The following CPQ variants were observed in gnomAD, a reference collection of about 807,000 sequenced individuals.
CPQ encodes carboxypeptidase Q.
In CPQ, 37 loss-of-function variants were observed where a neutral mutation model predicts 45.7. That is an observed-to-expected ratio of 0.81 (90% CI 0.62 to 1.07). The LOEUF (loss-of-function observed/expected upper bound fraction) is 1.07. CPQ is among the 50% of genes least tolerant of loss of function. The pLI is 0.00. For missense variants in CPQ, 537 were observed against 572.9 expected, an observed-to-expected ratio of 0.94 and a Z score of 0.64; for synonymous variants, 186 against 205.8, an observed-to-expected ratio of 0.90 and a Z score of 0.82.
chr8:97,115,997 C>T (rs1811586278), intron 7 of CPQ, among the ~76,000 whole-genome samples: 2 of 151,736 alleles, frequency 1.3e-5, no homozygotes, highest in African/African-American at 2.4e-5. Flanking sequence ...AGTAAAATAA[C>T]AAAGCAAAAT....
In CPQ at chr8:96,926,622, T is replaced by TCTTCTTCTTCTC. The variant is rs1554578116; in HGVS notation, c.850-39311_850-39310insTCTTCTTCTCCT. ...TTCTTCTTCTTCTTCTTCTTCTTCTTCTCCTCCTTCTCCTTCTTCTTCTTC... is the reference window on the plus strand; with the variant it reads ...TTCTTCTTCTTCTTCTTCTTCTTCTTCTTCTTCTTCTCCTCCTCCTTCTCCTTCTTCTTCTTC... On this transcript the variant is annotated intron_variant, in intron 4 of 7. Transcript: ENST00000220763. Among the ~76,000 whole-genome samples, 5 of 123,860 alleles carry TCTTCTTCTTCTC rather than the reference T, an allele frequency of 4.0e-5. No homozygotes were observed. The East Asian group carries it at 1.2e-3, about 29-fold the overall frequency. The allele number at this position is 123,860 out of a possible 152,430, so 81.3% of individuals were successfully genotyped here.
chr8:96,980,953 G>A (rs2130388091), intron 5 of CPQ, among the ~76,000 whole-genome samples: 1 of 152,300 alleles, frequency 6.6e-6, no homozygotes, highest in South Asian at 2.1e-4. Flanking sequence ...TCTCTGTGAT[G>A]TCCTTAACCT....
chr8:96,866,161 A>G (rs554932584), intron 3 of CPQ, among the ~76,000 whole-genome samples: 31 of 152,222 alleles, frequency 2.0e-4, no homozygotes, highest in African/African-American at 5.8e-4. Flanking sequence ...AGTGGCCAGA[A>G]TCAGTTAATT....
At chr8:96,705,537 A>G (rs112347739) in intron 1 of CPQ, among the ~76,000 whole-genome samples, 3,655 of 152,246 alleles carry the variant, frequency 0.024, 162 homozygotes, top group African/African-American at 0.083. Flanking sequence ...GGGTAGAGGC[A>G]TTTAAATTCT....
chr8:96,819,023 C>T (rs1384215367), intron 2 of CPQ, among the ~76,000 whole-genome samples: 1 of 152,064 alleles, frequency 6.6e-6, no homozygotes, highest in Non-Finnish European at 1.5e-5. Flanking sequence ...TTCTTTTCAG[C>T]TGGTTACATT....
intron 1 of CPQ, among the ~76,000 whole-genome samples, chr8:96,749,299 C>A (rs542265332): frequency 6.6e-6 from 1 of 152,128 alleles, no homozygotes; most frequent in African/African-American, 2.4e-5. Context: ...CTTTTCTCCA[C>A]GCTCTGGGAA....
intron 5 of CPQ, among the ~76,000 whole-genome samples, chr8:97,018,846 A>G (rs1172158029): frequency 6.6e-6 from 1 of 152,202 alleles, no homozygotes; most frequent in East Asian, 1.9e-4. Flanking sequence ...CAGCCTTGGT[A>G]AAGAACTAGT....
intron 3 of CPQ, among the ~76,000 whole-genome samples, chr8:96,851,388 T>C (rs1811769153): frequency 6.6e-6 from 1 of 152,200 alleles, no homozygotes; most frequent in African/African-American, 2.4e-5. Flanking sequence ...GACTGGGTAA[T>C]TTATAAAGAA....
intron 6 of CPQ, among the ~76,000 whole-genome samples, chr8:97,055,257 C>T (rs1041919991): frequency 1.6e-4 from 24 of 152,170 alleles, no homozygotes; most frequent in Admixed American, 1.4e-3. Context: ...TCTTCCTCCT[C>T]CTGATGTCTC....
chr8:96,968,228 T>C (rs1813604291), intron 5 of CPQ, among the ~76,000 whole-genome samples: 4 of 152,190 alleles, frequency 2.6e-5, no homozygotes, highest in African/African-American at 9.7e-5. Context: ...ACCCCTCCAC[T>C]TTTTTTCATT....
intron 4 of CPQ, among the ~76,000 whole-genome samples, chr8:96,926,230 A>G (rs768752246): frequency 3.0e-4 from 45 of 152,282 alleles, no homozygotes; most frequent in Non-Finnish European, 5.4e-4. Context: ...GTCCAGTTCA[A>G]ATCCTTAATA....
intron 7 of CPQ, among the ~76,000 whole-genome samples, chr8:97,079,368 G>C (rs1414180289): frequency 1.3e-5 from 2 of 152,106 alleles, no homozygotes; most frequent in Non-Finnish European, 2.9e-5. Context: ...TGGAAAAGAG[G>C]CTTAAGGAGA....
At chr8:96,980,817 A>G (rs903821016) in intron 5 of CPQ, among the ~76,000 whole-genome samples, 1 of 152,178 alleles carries the variant, frequency 6.6e-6, no homozygotes, top group Admixed American at 6.5e-5. Flanking sequence ...AGGCTAGTGT[A>G]TAAGGCTAAT....
Position 96,880,222 on chromosome 8 carries a change from A to G in CPQ, c.849+217A>G, listed in dbSNP as rs567331653. Among the ~76,000 whole-genome samples, 68 of 152,170 alleles carry G rather than the reference A, an allele frequency of 4.5e-4. 1 individual carries two copies. In the East Asian group the frequency reaches 0.012, roughly 28 times the overall value. On this transcript the variant is annotated intron_variant, in intron 4 of 7. Transcript: ENST00000220763. ...GGTATTACTAAAAAGTCAAAGAATA[A>G]TAGATGTTGGTGAGGTTGTGGAGAA...
rs544336356 is a variant in CPQ, at chr8:96,878,499, C to T, written c.642-1299C>T. Among the ~76,000 whole-genome samples, 7 of 152,050 alleles carry T rather than the reference C, an allele frequency of 4.6e-5. No individual in the cohort carries two copies. The South Asian group carries it at 1.3e-3, about 27-fold the overall frequency. Reference sequence around the variant, plus strand: ...TATCACTTCCATTTGTAGAAGACACCCCTGAAACAAAGATGTGGGTAACTT... The same window carrying T: ...TATCACTTCCATTTGTAGAAGACACTCCTGAAACAAAGATGTGGGTAACTT... On this transcript the variant is annotated intron_variant, in intron 3 of 7. Transcript: ENST00000220763.
chr8:96,772,682 C>A (rs1055473501), intron 1 of CPQ, among the ~76,000 whole-genome samples: 1 of 152,030 alleles, frequency 6.6e-6, no homozygotes, highest in African/African-American at 2.4e-5. Context: ...AAACGAGAGG[C>A]AGTCAACAAT....
At chr8:97,021,432 G>A (rs1809680950) in intron 5 of CPQ, among the ~76,000 whole-genome samples, 2 of 151,816 alleles carry the variant, frequency 1.3e-5, no homozygotes, top group Non-Finnish European at 2.9e-5. Flanking sequence ...GCTGTCTGCT[G>A]ATGATATGAT....
chr8:96,859,664 C>A lies in CPQ; in HGVS notation c.642-20134C>A, dbSNP rs142830505. ...TATGTGATTTTTATAATTTATTTAA[C>A]TTTTCTAGTTGTTTTTAGTGGGCAT... On this transcript the variant is annotated intron_variant, in intron 3 of 7. Transcript: ENST00000220763. 4.7e-4 allele frequency among the ~76,000 whole-genome samples: 71 copies of A among 152,204 alleles called. 1 individual carries two copies. The highest frequency in any genetic ancestry group is 1.4e-3 in the Admixed American group (21 of 15,286).
chr8:96,660,243 G>T (rs1815684005), intron 1 of CPQ, among the ~76,000 whole-genome samples: 2 of 152,106 alleles, frequency 1.3e-5, no homozygotes, highest in South Asian at 4.2e-4. Flanking sequence ...GCTTGCACGT[G>T]GCCATCTTTT....
Sources: allele counts gnomAD v4.1 joint callset (sites outside exome capture counted in the v4.1 genomes callset), GRCh38; gene constraint gnomAD v4.1.1; transcripts MANE v1.5; gene names NCBI Gene and HGNC (gene_info 2026-07-23, HGNC 2026-07-21).